HHAT: variants seen among roughly 807,000 people sequenced by gnomAD.
The protein encoded by HHAT is protein-cysteine N-palmitoyltransferase HHAT.
Under a neutral mutation model 70.8 loss-of-function variants are expected in HHAT, and 47 were observed. The ratio of observed to expected loss-of-function variants is 0.66; its 90% CI spans 0.53 to 0.85. The LOEUF (loss-of-function observed/expected upper bound fraction) is 0.85. HHAT is among the 40% of genes least tolerant of loss of function. HHAT has a pLI of 0.00. For missense variants in HHAT, 609 were observed against 604.8 expected (o/e 1.01, Z -0.07); for synonymous variants, 228 against 247.6 (o/e 0.92, Z 0.74).
chr1:210,586,270 C>G (rs181561177), intron 9 of HHAT, among the ~76,000 whole-genome samples: 78 of 152,168 alleles, frequency 5.1e-4, no homozygotes, highest in African/African-American at 1.8e-3. Context: ...TTTATATCAT[C>G]TCTACAAAAA....
At chr1:210,366,218 G>C (rs2088949892) in intron 3 of HHAT, among the ~76,000 whole-genome samples, 1 of 152,134 alleles carries the variant, frequency 6.6e-6, no homozygotes, top group Non-Finnish European at 1.5e-5. Context: ...GGCCACTACT[G>C]ACATTCTAGA....
At chr1:210,641,879 C>G (rs1256701741) in intron 11 of HHAT, among the ~76,000 whole-genome samples, 2 of 152,238 alleles carry the variant, frequency 1.3e-5, no homozygotes, top group African/African-American at 4.8e-5. Context: ...TTGCAAGCTG[C>G]AACCCTTCTT....
At chr1:210,462,112 A>G (rs1379114545) in intron 7 of HHAT, among the ~76,000 whole-genome samples, 2 of 152,378 alleles carry the variant, frequency 1.3e-5, no homozygotes, top group African/African-American at 4.8e-5. Context: ...GAATCTGACA[A>G]CTGTACAAAA....
At chr1:210,573,379 A>AT (rs1255724471) in intron 9 of HHAT, among the ~76,000 whole-genome samples, 1 of 152,162 alleles carries the variant, frequency 6.6e-6, no homozygotes, top group East Asian at 1.9e-4. Flanking sequence ...ACACACTGGA[A>AT]TTGAAGTGAT....
chr1:210,655,129 AGGCCCCTTCC>A (rs200346797), intron 11 of HHAT, among the ~76,000 whole-genome samples: 1,855 of 152,312 alleles, frequency 0.012, 47 homozygotes, highest in African/African-American at 0.043. Context: ...GCGGCAGCTG[AGGCCCCTTCC>A]CCGGAGGCCA....
intron 9 of HHAT, among the ~76,000 whole-genome samples, chr1:210,553,131 A>G (rs186078883): frequency 6.6e-6 from 1 of 152,248 alleles, no homozygotes; most frequent in East Asian, 1.9e-4. Flanking sequence ...AGGGGAGAGG[A>G]AGATGGGAGA....
intron 2 of HHAT, among the ~76,000 whole-genome samples, chr1:210,356,210 G>A (rs1389974107): frequency 1.3e-5 from 2 of 152,014 alleles, no homozygotes; most frequent in East Asian, 3.9e-4. Context: ...ACTATGCCTG[G>A]CCTGTGAAAA....
intron 11 of HHAT, among the ~76,000 whole-genome samples, chr1:210,638,549 G>T (rs1451293281): frequency 1.3e-5 from 2 of 151,962 alleles, no homozygotes; most frequent in Non-Finnish European, 1.5e-5. Context: ...TAGCTAATGG[G>T]CATGGGTTTC....
chr1:210,550,010 C>T (rs552291952), intron 9 of HHAT, among the ~76,000 whole-genome samples: 2 of 149,346 alleles, frequency 1.3e-5, no homozygotes, highest in Non-Finnish European at 2.9e-5. Flanking sequence ...TACTCACCCC[C>T]TTATCCACTA....
intron 7 of HHAT, among the ~76,000 whole-genome samples, chr1:210,437,163 A>T (rs11810188): frequency 0.26 from 38,736 of 151,680 alleles, 5,705 homozygotes; most frequent in Admixed American, 0.37. Context: ...GAATCTCAAC[A>T]TCACATGATG....
chr1:210,335,007 T>C (rs552844784), intron 1 of HHAT, among the ~76,000 whole-genome samples: 42 of 152,284 alleles, frequency 2.8e-4, no homozygotes, highest in Admixed American at 1.8e-3. Context: ...CTTCCAAACA[T>C]TTAAGAAAAT....
chr1:210,465,293 G>A (rs919920493), intron 8 of HHAT, among the ~76,000 whole-genome samples: 11 of 152,216 alleles, frequency 7.2e-5, no homozygotes, highest in African/African-American at 2.6e-4. Context: ...TTGACCCATA[G>A]TCTTATGGTT....
intron 3 of HHAT, chr1:210,374,133 T>G (rs1288517072): frequency 6.6e-6 from 1 of 152,180 alleles, no homozygotes; most frequent in Non-Finnish European, 1.5e-5. Flanking sequence ...CCTCTTTAAG[T>G]CTTTTTTTAT....
intron 11 of HHAT, among the ~76,000 whole-genome samples, chr1:210,638,657 G>C (rs1042789943): frequency 7.4e-6 from 1 of 135,856 alleles, no homozygotes; most frequent in Non-Finnish European, 1.5e-5. Context: ...GAGACAGGAA[G>C]ATCACTTCCC....
rs914047324 is a variant in HHAT, at chr1:210,575,446, T to G, written c.1044-12452T>G. ...CCACTGTGTCTCCTTTGCCCAAACC[T>G]CCAAAGAATCTGTTTTATATGGTGT... On this transcript the variant is annotated intron_variant, in intron 9 of 11. Transcript: ENST00000261458. 3.3e-5 allele frequency among the ~76,000 whole-genome samples: 5 copies of G among 152,084 alleles called. No homozygotes were observed. The South Asian group carries it at 1.0e-3, about 32-fold the overall frequency.
chr1:210,459,230 G>C (rs150419606), intron 7 of HHAT, among the ~76,000 whole-genome samples: 1 of 152,240 alleles, frequency 6.6e-6, no homozygotes, highest in African/African-American at 2.4e-5. Context: ...CAGAAGACTC[G>C]TTGATTTGGT....
intron 8 of HHAT, among the ~76,000 whole-genome samples, chr1:210,494,964 A>T (rs74156185): frequency 0.059 from 9,038 of 152,216 alleles, 859 homozygotes; most frequent in African/African-American, 0.2. Context: ...AGTCTTTAGC[A>T]TAGGTAGCAC....
At chr1:210,404,776 G>A (rs1042925195) in intron 6 of HHAT, 97 bp downstream of exon 6, 1 of 900,458 alleles carries the variant, frequency 1.1e-6, no homozygotes, top group Non-Finnish European at 1.7e-6. Context: ...TTGTTCAGAG[G>A]TGCCCACAGA....
intron 8 of HHAT, among the ~76,000 whole-genome samples, chr1:210,504,971 C>T (rs1049961041): frequency 1.1e-4 from 15 of 140,926 alleles, no homozygotes; most frequent in South Asian, 4.5e-4. Flanking sequence ...GGTGTGATCT[C>T]AACTCCAACA....
Sources: gnomAD v4.1 joint callset for allele counts (sites outside exome capture counted in the v4.1 genomes callset) on GRCh38, gnomAD v4.1.1 for gene constraint, MANE v1.5 for transcripts, NCBI Gene and HGNC (gene_info 2026-07-23, HGNC 2026-07-21) for gene names.